PHF24: variants seen among roughly 807,000 people sequenced by gnomAD.
PHF24 encodes Galpha inhibitory interacting protein.
A neutral mutation model predicts 42.6 loss-of-function variants in PHF24; 25 were observed. The observed-to-expected ratio is 0.59, with a 90% CI of 0.43 to 0.82. The LOEUF (loss-of-function observed/expected upper bound fraction) is 0.82, where lower values mean the gene tolerates loss of function less well. Ranked by LOEUF, PHF24 falls within the 40% of genes least tolerant of loss-of-function variation. PHF24 has a pLI of 0.00. For synonymous variants in PHF24, 185 were observed against 204.8 expected (o/e 0.90, Z 0.83); for missense variants, 470 against 538.1 (o/e 0.87, Z 1.25).
chr9:34,951,747 A>G, the PHF24 span, among the ~76,000 whole-genome samples: 1 of 152,344 alleles, frequency 6.6e-6, no homozygotes, highest in Admixed American at 6.5e-5. Context: ...TACAGCAGCA[A>G]TAGGAAGTTA....
chr9:34,794,667 G>A, the PHF24 span, among the ~76,000 whole-genome samples: 1 of 152,012 alleles, frequency 6.6e-6, no homozygotes, highest in Non-Finnish European at 1.5e-5. Context: ...CAAAAAATGT[G>A]ATAACCAAAA....
chr9:34,701,920 T>C, the PHF24 span, among the ~76,000 whole-genome samples: 2 of 152,156 alleles, frequency 1.3e-5, no homozygotes, highest in Non-Finnish European at 2.9e-5. The surrounding 1 kb of genome is among the most constrained non-coding windows in gnomAD (Gnocchi z 5.8). Context: ...GTTGAAGTCT[T>C]GAAATAATTA....
upstream of PHF24, chr9:34,957,566 G>A (rs899838646): frequency 2.6e-5 from 4 of 152,218 alleles, no homozygotes; most frequent in Middle Eastern, 3.2e-3. Context: ...TGGGTTACAC[G>A]ACAGCACAGC....
the PHF24 span, among the ~76,000 whole-genome samples, chr9:34,884,053 A>AT: frequency 6.6e-6 from 1 of 152,228 alleles, no homozygotes; most frequent in Non-Finnish European, 1.5e-5. Flanking sequence ...GGGTGAGTTC[A>AT]TGTTCTTTGT....
chr9:34,668,565 T>C, the PHF24 span, among the ~76,000 whole-genome samples: 2 of 152,200 alleles, frequency 1.3e-5, no homozygotes, highest in African/African-American at 4.8e-5. Flanking sequence ...GATGTTGATA[T>C]TGTGAAAGGA....
At chr9:34,929,172 A>G in the PHF24 span, among the ~76,000 whole-genome samples, 1 of 152,048 alleles carries the variant, frequency 6.6e-6, no homozygotes, top group Non-Finnish European at 1.5e-5. Flanking sequence ...TCCCACCTCC[A>G]TACTCCCACT....
At chr9:34,714,956 C>A in the PHF24 span, among the ~76,000 whole-genome samples, 3 of 152,066 alleles carry the variant, frequency 2.0e-5, no homozygotes, top group Non-Finnish European at 4.4e-5. Flanking sequence ...TTCCTAGATG[C>A]AGGAATCTAG....
At chr9:34,740,422 G>A in the PHF24 span, among the ~76,000 whole-genome samples, 2 of 152,242 alleles carry the variant, frequency 1.3e-5, no homozygotes, top group African/African-American at 2.4e-5. Context: ...CGAGCGCAGC[G>A]CCGGTGGGCG....
chr9:34,742,425 T>C, the PHF24 span, among the ~76,000 whole-genome samples: 2 of 152,044 alleles, frequency 1.3e-5, no homozygotes, highest in Non-Finnish European at 2.9e-5. Flanking sequence ...CTCTCAGCAT[T>C]TCCTCAGAGT....
the PHF24 span, among the ~76,000 whole-genome samples, chr9:34,690,904 G>T: frequency 6.6e-6 from 1 of 152,142 alleles, no homozygotes; most frequent in Non-Finnish European, 1.5e-5. Context: ...GGATTCAGGG[G>T]CACAGGGACA....
At chr9:34,874,093 G>A in the PHF24 span, among the ~76,000 whole-genome samples, 2 of 152,068 alleles carry the variant, frequency 1.3e-5, no homozygotes, top group Non-Finnish European at 2.9e-5. Context: ...AGGAGATTTT[G>A]GGCTGAGACA....
At chr9:34,751,616 C>T in the PHF24 span, among the ~76,000 whole-genome samples, 2 of 152,208 alleles carry the variant, frequency 1.3e-5, 1 homozygote, top group East Asian at 3.9e-4. Flanking sequence ...GACTTTAACA[C>T]CCCACTTTCA....
At chr9:34,689,640 ACACT>A in the PHF24 span, 1 of 686,784 alleles carries the variant, frequency 1.5e-6, no homozygotes, top group African/African-American at 1.8e-5. This position sits in a 1 kb window ranked among gnomAD's most constrained non-coding sequence, Gnocchi z 4.1. Context: ...TACTCTGACC[ACACT>A]CACCCTCTCG....
the PHF24 span, among the ~76,000 whole-genome samples, chr9:34,801,717 A>T: frequency 6.6e-6 from 1 of 151,472 alleles, no homozygotes; most frequent in Admixed American, 6.6e-5. Flanking sequence ...ACAGAGTGAG[A>T]CTCCATCTCA....
At chr9:34,698,164 TAC>T in the PHF24 span, among the ~76,000 whole-genome samples, 7 of 151,906 alleles carry the variant, frequency 4.6e-5, no homozygotes, top group Non-Finnish European at 1.0e-4. Flanking sequence ...ATTAAGGATT[TAC>T]AGTCTTACCC....
chr9:34,739,935 A>G, the PHF24 span, among the ~76,000 whole-genome samples: 1 of 151,956 alleles, frequency 6.6e-6, no homozygotes, highest in African/African-American at 2.4e-5. Context: ...CCACCTCCCC[A>G]CCAGAGTAGC....
the PHF24 span, among the ~76,000 whole-genome samples, chr9:34,773,054 G>A: frequency 1.3e-5 from 2 of 150,848 alleles, no homozygotes; most frequent in Admixed American, 6.6e-5. Flanking sequence ...GCAACGGCGC[G>A]ATCTCGGCTC....
chr9:34,917,283 G>A, the PHF24 span: 2 of 1,043,686 alleles, frequency 1.9e-6, no homozygotes, highest in Non-Finnish European at 3.0e-6. Context: ...CGATGGTACT[G>A]GAAAAGGACT....
At chr9:34,857,474 A>C in the PHF24 span, among the ~76,000 whole-genome samples, 1 of 152,138 alleles carries the variant, frequency 6.6e-6, no homozygotes, top group African/African-American at 2.4e-5. Flanking sequence ...CTGGGTTTCA[A>C]AGATTAGTGG....
Sources: allele counts gnomAD v4.1 joint callset (sites outside exome capture counted in the v4.1 genomes callset), GRCh38; gene constraint gnomAD v4.1.1; non-coding constraint Gnocchi (gnomAD v3.1); transcripts MANE v1.5; gene names NCBI Gene and HGNC (gene_info 2026-07-23, HGNC 2026-07-21).